PEF1: variants seen among roughly 807,000 people sequenced by gnomAD.
PEF1 encodes penta-EF-hand domain containing 1.
A neutral mutation model predicts 32.0 loss-of-function variants in PEF1; 17 were observed. The observed-to-expected ratio is 0.53, with a 90% CI of 0.36 to 0.80. The LOEUF (loss-of-function observed/expected upper bound fraction) is 0.80, where lower values mean the gene tolerates loss of function less well. Ranked by LOEUF, PEF1 falls within the 30% of genes least tolerant of loss-of-function variation. The pLI, the probability that PEF1 is intolerant of heterozygous loss-of-function variation, is 0.00. For missense variants in PEF1, 362 were observed against 369.1 expected (o/e 0.98, Z 0.16); for synonymous variants, 130 against 139.8 (o/e 0.93, Z 0.50).
intron 2 of PEF1, 67 bp from the exon 3 acceptor site, chr1:31,633,381 G>A: frequency 6.7e-7 from 1 of 1,490,286 alleles, no homozygotes; most frequent in Non-Finnish European, 9.1e-7. Context: ...TAACTTCCTG[G>A]CTACAGGTTT....
chr1:31,632,275 G>T, intron 4 of PEF1: 1 of 791,648 alleles, frequency 1.3e-6, no homozygotes, highest in Non-Finnish European at 2.2e-6. Context: ...CCAGGGTCCA[G>T]CCCTGATTCT....
chr1:31,642,564 G>C (rs2148626619), intron 1 of PEF1, among the ~76,000 whole-genome samples: 1 of 152,334 alleles, frequency 6.6e-6, no homozygotes, highest in South Asian at 2.1e-4. Flanking sequence ...CACTGACTGA[G>C]ATGCTTTAAA....
In PEF1 at chr1:31,644,666, G is replaced by A; in HGVS notation, c.24+175C>T. On this transcript the variant is annotated intron_variant, in intron 1 of 4. Transcript: ENST00000373703. ...ACCTCGCGAATGTGCGGTCCTTCAT[G>A]ACGTGAGCAGGGCGCGACCGACGGT... is the stretch of plus-strand genomic sequence containing the variant. The A allele has an allele frequency of 4.1e-6, 6 of 1,461,662 alleles. No individual in the cohort carries two copies. In the East Asian group the frequency reaches 7.4e-5, roughly 18 times the overall value. 90.5% of individuals were successfully genotyped at this position (1,461,662 alleles called of 1,614,324 possible).
At chr1:31,634,702 A>G (rs369469885) in intron 2 of PEF1, 2 of 364,942 alleles carry the variant, frequency 5.5e-6, no homozygotes, top group Admixed American at 3.6e-5. Flanking sequence ...CCCCTTCCCT[A>G]TAAGAGCATT....
chr1:31,632,101 C>A (rs910291635), intron 4 of PEF1, among the ~76,000 whole-genome samples: 1 of 152,266 alleles, frequency 6.6e-6, no homozygotes, highest in Non-Finnish European at 1.5e-5. Flanking sequence ...GAGGTGGCAA[C>A]AGACCCATCT....
intron 1 of PEF1, among the ~76,000 whole-genome samples, chr1:31,636,993 G>A (rs1010463609): frequency 2.0e-5 from 3 of 152,178 alleles, no homozygotes; most frequent in Non-Finnish European, 2.9e-5. Flanking sequence ...GCCCAGCTCC[G>A]AGAACGGCAC....
In PEF1 at chr1:31,630,684, T is replaced by C. The variant is rs1175892699; in HGVS notation, c.784A>G (p.Thr262Ala). ...VLTEAFREKD[T>A]AVQGNIRLSF... ...AGCCGAATGTTGCCTTGTACAGCTG[T>C]GTCCTTCTCCCGGAAGGCCTCTGTC... is the stretch of plus-strand genomic sequence containing the variant. Residue 262 changes from threonine to alanine, a missense_variant, in exon 5 of 5, where the codon ACA becomes GCA. Coordinates refer to ENST00000373703, the MANE Select transcript of PEF1 (RefSeq NM_012392.4). The C allele has an allele frequency of 1.6e-5, 26 of 1,613,772 alleles. No individual in the cohort carries two copies. The highest frequency in any genetic ancestry group is 2.2e-5 in the Non-Finnish European group (26 of 1,180,050).
chr1:31,641,379 G>T (rs1042996356), intron 1 of PEF1, among the ~76,000 whole-genome samples: 1 of 152,042 alleles, frequency 6.6e-6, no homozygotes, highest in African/African-American at 2.4e-5. Flanking sequence ...CATTCTCACA[G>T]CACCCCACAG....
In PEF1 at chr1:31,635,291, G is replaced by C. The variant is rs149304800; in HGVS notation, c.256C>G (p.Pro86Ala). The C allele has an allele frequency of 6.2e-7, 1 of 1,614,122 alleles. No homozygotes were observed. ...GGTGGCTGACCATAGGGGCCCCCGG[G>C]AGCTGCACCGCCATATGGTCCTCCT... is the stretch of plus-strand genomic sequence containing the variant. ...TPGGPYGGAA[P>A]GGPYGQPPPS... Residue 86 changes from proline (P) to alanine (A), a missense_variant, in exon 2 of 5, where the codon CCC becomes GCC. By Grantham distance (27) the Pro-to-Ala change is conservative. Transcript: ENST00000373703.
At chr1:31,637,260 G>C (rs1054142407) in intron 1 of PEF1, among the ~76,000 whole-genome samples, 19 of 152,144 alleles carry the variant, frequency 1.2e-4, no homozygotes, top group Admixed American at 3.9e-4. Flanking sequence ...GGCTCACACA[G>C]ATCTCAATTT....
At position 31,635,536 on chromosome 1, in the gene PEF1, A is replaced by G. The variant is rs1557586800; in HGVS notation, c.25-14T>C. On this transcript the variant is annotated splice_polypyrimidine_tract_variant and intron_variant, in intron 1 of 4. Coordinates refer to ENST00000373703, the MANE Select transcript of PEF1 (RefSeq NM_012392.4). ...TCCTGGGCAGCCCTGCAGGAAGAGC[A>G]AGATATCAGTCAGAATGATGAGGCC... 5 of 1,507,946 alleles carry G rather than the reference A, an allele frequency of 3.3e-6. No homozygotes were observed. The highest frequency in any genetic ancestry group is 4.4e-6 in the Non-Finnish European group (5 of 1,128,860). 93.4% of individuals were successfully genotyped at this position (1,507,946 alleles called of 1,614,324 possible).
chr1:31,630,576 G>A lies in PEF1; in HGVS notation c.*37C>T, dbSNP rs371188518. 1 of 1,578,624 alleles carries A rather than the reference G, an allele frequency of 6.3e-7. No homozygotes were observed. Among genetic ancestry groups the A allele is most frequent in the Non-Finnish European group, 8.7e-7 (1 of 1,150,718 alleles). On this transcript the variant is annotated 3_prime_UTR_variant, in exon 5 of 5. Coordinates refer to ENST00000373703, the MANE Select transcript of PEF1 (RefSeq NM_012392.4). ...TCTCTCACTCTAAGAAGCCAGGAAA[G>A]GTCCCTGGTGCACTCCACTCTCCAC...
Position 31,638,644 on chromosome 1 carries a change from T to C in PEF1, c.25-3122A>G, listed in dbSNP as rs372723785. Among the ~76,000 whole-genome samples, 14 of 152,360 alleles carry C rather than the reference T, an allele frequency of 9.2e-5. 1 individual carries two copies. The South Asian group carries it at 2.9e-3, about 32-fold the overall frequency. ...AGGTCTCCTGCCCTTCTGGCTATTG[T>C]AGTCTGGCAGCAATTAAACCCTTTC... On this transcript the variant is annotated intron_variant, in intron 1 of 4. Transcript: ENST00000373703.
At chr1:31,633,999 C>T (rs1640189454) in intron 2 of PEF1, among the ~76,000 whole-genome samples, 1 of 151,886 alleles carries the variant, frequency 6.6e-6, no homozygotes, top group Admixed American at 6.6e-5. Context: ...AGTGTAGAAG[C>T]TGGTAAGTCT....
intron 1 of PEF1, among the ~76,000 whole-genome samples, chr1:31,640,042 C>T (rs1640356253): frequency 6.6e-6 from 1 of 152,210 alleles, no homozygotes; most frequent in African/African-American, 2.4e-5. Context: ...TACTGATAAA[C>T]AGGATTGTGA....
chr1:31,640,641 T>C (rs956027827), intron 1 of PEF1, among the ~76,000 whole-genome samples: 3 of 152,098 alleles, frequency 2.0e-5, no homozygotes, highest in Non-Finnish European at 4.4e-5. Flanking sequence ...CCAAAGACTC[T>C]TCAGTTCAAC....
At chr1:31,639,717 G>C (rs979316266) in intron 1 of PEF1, among the ~76,000 whole-genome samples, 1 of 152,236 alleles carries the variant, frequency 6.6e-6, no homozygotes, top group Non-Finnish European at 1.5e-5. Context: ...TTCAGAGATA[G>C]ACCAGACATG....
intron 3 of PEF1, among the ~76,000 whole-genome samples, chr1:31,632,891 C>G (rs1339291689): frequency 1.3e-5 from 2 of 152,204 alleles, no homozygotes; most frequent in Non-Finnish European, 2.9e-5. Context: ...TGACCCCTCC[C>G]TGCTGTTTCC....
At position 31,630,836 on chromosome 1, in the gene PEF1, G is replaced by C. The variant is rs201297417; in HGVS notation, c.632C>G (p.Ser211Cys). The C allele has an allele frequency of 1.9e-6, 3 of 1,606,724 alleles. No individual in the cohort carries two copies. The highest frequency in any genetic ancestry group is 8.5e-7 in the Non-Finnish European group (1 of 1,178,974). ...ISYTELQQALSQMGYNLSPQF... is the reference protein window; with the variant it reads ...ISYTELQQALCQMGYNLSPQF... ...GGGGCTCAGGTTGTAGCCCATTTGG[G>C]ACAGAGCTGGAGAAGAGGGGCACAC... The change falls in exon 5 of 5, where the codon TCC (serine) becomes TGC (cysteine). Residue 211 changes from serine to cysteine, a missense_variant. By Grantham distance (112) the Ser-to-Cys change is moderately radical. Transcript: ENST00000373703.
Sources: gnomAD v4.1 joint callset for allele counts (sites outside exome capture counted in the v4.1 genomes callset) on GRCh38, gnomAD v4.1.1 for gene constraint, MANE v1.5 for transcripts, NCBI Gene and HGNC (gene_info 2026-07-23, HGNC 2026-07-21) for gene names.